Variants in NDUFAF3 observed in about 807,000 individuals in gnomAD.
The protein encoded by NDUFAF3 is NADH:ubiquinone oxidoreductase complex assembly factor 3.
A neutral mutation model predicts 22.6 loss-of-function variants in NDUFAF3; 21 were observed. That is an observed-to-expected ratio of 0.93 (90% CI 0.66 to 1.34). The LOEUF is 1.34. NDUFAF3 is among the 40% of genes most tolerant of loss of function. NDUFAF3 has a pLI of 0.00. For missense variants in NDUFAF3, 251 were observed against 248.4 expected, an observed-to-expected ratio of 1.01 and a Z score of -0.07; for synonymous variants, 113 against 104.9, an observed-to-expected ratio of 1.08 and a Z score of -0.47.
rs142033692 is a variant in NDUFAF3, at chr3:49,022,478, A to C, written c.210A>C (p.Ile70=). 1.0e-4 allele frequency: 164 copies of C among 1,613,060 alleles called. 2 individuals are homozygous for C. In the Middle Eastern group the frequency reaches 2.1e-3, roughly 21 times the overall value. Residue 70 remains isoleucine (I), a synonymous_variant, in exon 2 of 5, where the codon ATA becomes ATC. Coordinates refer to ENST00000326925, the MANE Select transcript of NDUFAF3 (RefSeq NM_199069.2). This position sits in a 1 kb window ranked among gnomAD's most constrained non-coding sequence, Gnocchi z 6.6. The part of the protein sequence containing the change: ...IDSYNSRGFM[I]NGNRVLGPCA... ...GCTACAACAGCCGCGGCTTCATGAT[A>C]AACGGAAACCGCGTGCTCGGCCCCT... is the stretch of plus-strand genomic sequence containing the variant.
In NDUFAF3 at chr3:49,022,811, A is replaced by G; in HGVS notation, c.337+43A>G. ...GGAGAACAGAGGTGTTCTGGGCCCC[A>G]GAAGGCGACCCCCACTGCAGCCTCT... On this transcript the variant is annotated intron_variant, in intron 3 of 4. Coordinates refer to ENST00000326925, the MANE Select transcript of NDUFAF3 (RefSeq NM_199069.2). The surrounding 1 kb of genome is among the most constrained non-coding windows in gnomAD (Gnocchi z 6.6). The G allele has an allele frequency of 6.2e-7, 1 of 1,613,570 alleles. No individual in the cohort carries two copies. The highest frequency in any genetic ancestry group is 1.3e-5 in the African/African-American group (1 of 75,028).
chr3:49,022,454 C>A lies in NDUFAF3; in HGVS notation c.186C>A (p.Ser62Arg), dbSNP rs1388292146. The A allele has an allele frequency of 6.2e-7, 1 of 1,612,864 alleles. No homozygotes were observed. Among genetic ancestry groups the A allele is most frequent in the African/African-American group, 1.3e-5 (1 of 74,922 alleles). Residue 62 changes from serine to arginine, a missense_variant, in exon 2 of 5, where the codon AGC (serine) becomes AGA (arginine). By Grantham distance (110) the Ser-to-Arg change is moderately radical (BLOSUM62 -1). Coordinates refer to ENST00000326925, the MANE Select transcript of NDUFAF3 (RefSeq NM_199069.2). The surrounding 1 kb of genome is among the most constrained non-coding windows in gnomAD (Gnocchi z 6.6). ...CCGCTCAGGCAATGTACATCGACAG[C>A]TACAACAGCCGCGGCTTCATGATAA... is the stretch of plus-strand genomic sequence containing the variant. ...REAAQAMYID[S>R]YNSRGFMING...
Position 49,023,222 on chromosome 3 carries a change from T to A in NDUFAF3, c.*50T>A. ...TGCACTCTGCCAGGCTTCCCAATGC[T>A]TTCACTCTTATCTACCCTTTGGCAC... On this transcript the variant is annotated 3_prime_UTR_variant, in exon 5 of 5. Coordinates refer to ENST00000326925, the MANE Select transcript of NDUFAF3 (RefSeq NM_199069.2). 7.4e-7 allele frequency: 1 copy of A among 1,346,712 alleles called. No individual in the cohort carries two copies. Among genetic ancestry groups the A allele is most frequent in the Non-Finnish European group, 1.1e-6 (1 of 937,330 alleles). The allele number at this position is 1,346,712 out of a possible 1,614,324, so 83.4% of individuals were successfully genotyped here.
chr3:49,023,075 T>A lies in NDUFAF3; in HGVS notation c.458T>A (p.Phe153Tyr). 1.1e-5 allele frequency: 18 copies of A among 1,614,178 alleles called. No individual in the cohort carries two copies. Among genetic ancestry groups the A allele is most frequent in the Non-Finnish European group, 1.5e-5 (18 of 1,180,020 alleles). The change falls in exon 5 of 5, where the codon TTC becomes TAC. Residue 153 changes from phenylalanine (F) to tyrosine (Y), a missense_variant. Coordinates refer to ENST00000326925, the MANE Select transcript of NDUFAF3 (RefSeq NM_199069.2). The part of the protein sequence containing the change: ...VQDTPNACAT[F>Y]NFLCHEGRVT... ...TTGCAGCCCAATGCCTGTGCCACCT[T>A]CAACTTCCTGTGTCATGAAGGCCGA...
At chr3:49,021,765 G>T, upstream of NDUFAF3, 3 of 314,000 alleles carry the variant, frequency 9.6e-6, no homozygotes, top group South Asian at 1.1e-4. The surrounding 1 kb of genome is among the most constrained non-coding windows in gnomAD (Gnocchi z 4.1). Context: ...CGCCTGGCCA[G>T]GTGTTCGGGA....
In NDUFAF3 at chr3:49,023,130, A is replaced by G; in HGVS notation, c.513A>G (p.Pro171=). The G allele has an allele frequency of 6.2e-7, 1 of 1,614,098 alleles. No individual in the cohort carries two copies. Among genetic ancestry groups the G allele is most frequent in the Non-Finnish European group, 8.5e-7 (1 of 1,179,950 alleles). ...CTGGAGCTGCTCTCATCCCTCCACC[A>G]GGAGGGACTTCACTTACATCTTTGG... ...RVTGAALIPP[P]GGTSLTSLGQ... The change falls in exon 5 of 5, where the codon CCA becomes CCG. Residue 171 remains proline (P), a synonymous_variant. Coordinates refer to ENST00000326925, the MANE Select transcript of NDUFAF3 (RefSeq NM_199069.2).
Position 49,022,319 on chromosome 3 carries a change from C to T in NDUFAF3, c.78-27C>T, listed in dbSNP as rs1179940498. 1.9e-6 allele frequency: 3 copies of T among 1,608,140 alleles called. No homozygotes were observed. Among genetic ancestry groups the T allele is most frequent in the African/African-American group, 1.3e-5 (1 of 74,834 alleles). On this transcript the variant is annotated intron_variant, in intron 1 of 4. Transcript: ENST00000326925. The surrounding 1 kb of genome is among the most constrained non-coding windows in gnomAD (Gnocchi z 6.6). Reference sequence around the variant, plus strand: ...CCTCTCGGGCTGCCCGGCCCGGCCCCGCGCCCCTGACCCTTTCCCTCCGCA... The same window carrying T: ...CCTCTCGGGCTGCCCGGCCCGGCCCTGCGCCCCTGACCCTTTCCCTCCGCA...
intron 4 of NDUFAF3, 37 bp downstream of exon 4, chr3:49,023,013 A>G: frequency 6.2e-7 from 1 of 1,613,740 alleles, no homozygotes; most frequent in Non-Finnish European, 8.5e-7. Flanking sequence ...CGGGGAGCAC[A>G]GGCCTGGCGC....
upstream of NDUFAF3, chr3:49,021,039 A>C: frequency 1.3e-5 from 2 of 158,124 alleles, no homozygotes; most frequent in Non-Finnish European, 2.8e-5. This position sits in a 1 kb window ranked among gnomAD's most constrained non-coding sequence, Gnocchi z 4.1. Context: ...GAGGAAGTAA[A>C]CCCGCGCGTC....
Position 49,022,263 on chromosome 3 carries a change from G to A in NDUFAF3, c.77+42G>A, listed in dbSNP as rs2093166595. 6.2e-7 allele frequency: 1 copy of A among 1,608,832 alleles called. No individual in the cohort carries two copies. The highest frequency in any genetic ancestry group is 8.5e-7 in the Non-Finnish European group (1 of 1,179,184). The stretch of plus-strand genomic sequence containing the variant: ...CGCCCTCGACCATCCAGCCCCCTAG[G>A]GCCGGCGACTGCCAGCCCAGCACCT... On this transcript the variant is annotated intron_variant, in intron 1 of 4. Coordinates refer to ENST00000326925, the MANE Select transcript of NDUFAF3 (RefSeq NM_199069.2). This position sits in a 1 kb window ranked among gnomAD's most constrained non-coding sequence, Gnocchi z 6.6.
chr3:49,020,690 C>A, upstream of NDUFAF3: 1 of 490,192 alleles, frequency 2.0e-6, no homozygotes, highest in Admixed American at 2.2e-5. Flanking sequence ...TTTGGGATTC[C>A]GTTGCCCGCT....
chr3:49,020,805 G>GT (rs2093149213), upstream of NDUFAF3: 1 of 389,376 alleles, frequency 2.6e-6, no homozygotes, highest in Admixed American at 3.0e-5. Flanking sequence ...AGACCCGGGA[G>GT]TAGGTTGTGA....
chr3:49,020,746 C>T (rs376191008), upstream of NDUFAF3: 338 of 461,266 alleles, frequency 7.3e-4, 1 homozygote, highest in Non-Finnish European at 1.2e-3. Context: ...CCCCAGGTCA[C>T]TCGCCCTGGG....
At chr3:49,023,010 C>T (rs1559913344) in intron 4 of NDUFAF3, 34 bp downstream of exon 4, 1 of 1,613,750 alleles carries the variant, frequency 6.2e-7, no homozygotes, top group Admixed American at 1.7e-5. Context: ...CTGCGGGGAG[C>T]ACAGGCCTGG....
rs1483903290 is a variant in NDUFAF3 at position 49,022,312 on chromosome 3, C to G, written c.78-34C>G. 1.2e-6 allele frequency: 2 copies of G among 1,607,538 alleles called. No individual in the cohort carries two copies. Among genetic ancestry groups the G allele is most frequent in the Non-Finnish European group, 1.7e-6 (2 of 1,178,342 alleles). ...CTTCCGGCCTCTCGGGCTGCCCGGCCCGGCCCCGCGCCCCTGACCCTTTCC... is the reference window on the plus strand; with the variant it reads ...CTTCCGGCCTCTCGGGCTGCCCGGCGCGGCCCCGCGCCCCTGACCCTTTCC... On this transcript the variant is annotated intron_variant, in intron 1 of 4. Transcript: ENST00000326925. This position sits in a 1 kb window ranked among gnomAD's most constrained non-coding sequence, Gnocchi z 6.6.
chr3:49,022,407 A>G lies in NDUFAF3; in HGVS notation c.139A>G (p.Ile47Val). 1 of 1,612,878 alleles carries G rather than the reference A, an allele frequency of 6.2e-7. No individual in the cohort carries two copies. The highest frequency in any genetic ancestry group is 8.5e-7 in the Non-Finnish European group (1 of 1,180,018). ...ADDELYQRTRISLLQREAAQA... is the reference protein window; with the variant it reads ...ADDELYQRTRVSLLQREAAQA... ...TGACGAGCTGTATCAGCGGACGCGCATCTCTCTGCTGCAACGCGAGGCCGC... is the reference window on the plus strand; with the variant it reads ...TGACGAGCTGTATCAGCGGACGCGCGTCTCTCTGCTGCAACGCGAGGCCGC... The change falls in exon 2 of 5, where the codon ATC becomes GTC. Residue 47 changes from isoleucine to valine, a missense_variant. Ile to Val is a conservative substitution (Grantham distance 29). Transcript: ENST00000326925. This position sits in a 1 kb window ranked among gnomAD's most constrained non-coding sequence, Gnocchi z 6.6.
At position 49,022,204 on chromosome 3, in the gene NDUFAF3, G is replaced by T. The variant is rs2093165362; in HGVS notation, c.60G>T (p.Pro20=). The stretch of plus-strand genomic sequence containing the variant: ...GAGCGCGACCCTCGCTGCGCTGTCC[G>T]CCCGTTGAGCTTCCCTGGTGAGCTT... ...LYRARPSLRC[P]PVELPWAPRR... Residue 20 remains proline (P), a synonymous_variant, in exon 1 of 5, where the codon CCG becomes CCT. Coordinates refer to ENST00000326925, the MANE Select transcript of NDUFAF3 (RefSeq NM_199069.2). The surrounding 1 kb of genome is among the most constrained non-coding windows in gnomAD (Gnocchi z 6.6). 3 of 1,610,756 alleles carry T rather than the reference G, an allele frequency of 1.9e-6. No individual in the cohort carries two copies. Among genetic ancestry groups the T allele is most frequent in the Non-Finnish European group, 2.5e-6 (3 of 1,179,658 alleles).
chr3:49,022,595 G>T lies in NDUFAF3; in HGVS notation c.270+57G>T, dbSNP rs2093171462. The T allele has an allele frequency of 6.2e-7, 1 of 1,613,252 alleles. No individual in the cohort carries two copies. Among genetic ancestry groups the T allele is most frequent in the East Asian group, 2.2e-5 (1 of 44,876 alleles). On this transcript the variant is annotated intron_variant, in intron 2 of 4. Coordinates refer to ENST00000326925, the MANE Select transcript of NDUFAF3 (RefSeq NM_199069.2). This position sits in a 1 kb window ranked among gnomAD's most constrained non-coding sequence, Gnocchi z 6.6. ...GCCCAGAGTCACAGGCCCTCACCCT[G>T]CTTGGTCCCTGCAAACTTGGCTTTC...
upstream of NDUFAF3, chr3:49,021,603 CCGCGCGCTGCGGAGAGGCCAACGGT>C (rs964902715): frequency 1.9e-5 from 3 of 158,928 alleles, no homozygotes; most frequent in African/African-American, 4.8e-5. This position sits in a 1 kb window ranked among gnomAD's most constrained non-coding sequence, Gnocchi z 4.1. Context: ...ACGCCCCTCT[CCGCGCGCTGCGGAGAGGCCAACGGT>C]CGCGCGGGTG....
Sources: gnomAD v4.1 joint callset for allele counts on GRCh38, gnomAD v4.1.1 for gene constraint, Gnocchi (gnomAD v3.1) non-coding constraint, MANE v1.5 for transcripts, NCBI Gene and HGNC (gene_info 2026-07-23, HGNC 2026-07-21) for gene names.